Variants in SEC23B observed in about 807,000 individuals in gnomAD.
The protein encoded by SEC23B is protein transport protein Sec23B.
Under a neutral mutation model 104.3 loss-of-function variants are expected in SEC23B, and 77 were observed. That is an observed-to-expected ratio of 0.74 (90% CI 0.61 to 0.89). SEC23B has a LOEUF of 0.89. SEC23B is among the 40% of genes least tolerant of loss of function. The pLI is 0.00. For synonymous variants in SEC23B, 338 were observed against 332.5 expected (o/e 1.02, Z -0.18); for missense variants, 885 against 949.4 (o/e 0.93, Z 0.89).
chr20:18,508,051 C>T (rs2059946713), intron 1 of SEC23B, 79 bp downstream of exon 1: 2 of 152,592 alleles, frequency 1.3e-5, no homozygotes, highest in South Asian at 4.1e-4. Context: ...CTGCCGGGGG[C>T]GAGGTGAGCG....
intron 8 of SEC23B, 56 bp from the exon 9 acceptor site, chr20:18,527,440 G>A (rs1415094699): frequency 2.1e-6 from 2 of 940,052 alleles, no homozygotes; most frequent in Non-Finnish European, 3.5e-6. Context: ...GGTAATTCAG[G>A]CATACCTTGG....
rs1268452222 is a variant in SEC23B at position 18,554,271 on chromosome 20, A to G, written c.2029A>G (p.Met677Val). The G allele has an allele frequency of 3.7e-6, 6 of 1,614,068 alleles. No individual in the cohort carries two copies. The highest frequency in any genetic ancestry group is 1.6e-4 in the Middle Eastern group (1 of 6,084). Residue 677 changes from methionine (M) to valine (V), a missense_variant, in exon 18 of 20, where the codon ATG becomes GTG. Coordinates refer to ENST00000650089, the MANE Select transcript of SEC23B (RefSeq NM_006363.6). ...GTGGCGTAAAGCTGGCTACCAGGAC[A>G]TGCCCGAGTATGAAAACTTCAAGCA... ...AQWRKAGYQD[M>V]PEYENFKHLL...
At chr20:18,556,991 A>G (rs6035074) in intron 19 of SEC23B, among the ~76,000 whole-genome samples, 15,121 of 152,264 alleles carry the variant, frequency 0.099, 1,009 homozygotes, top group Admixed American at 0.17. Flanking sequence ...GCAAGACGCT[A>G]TCTTGAAAAA....
chr20:18,550,826 T>TAA (rs56946062), intron 16 of SEC23B, among the ~76,000 whole-genome samples: 1 of 148,514 alleles, frequency 6.7e-6, no homozygotes. Context: ...CCCTGACTCT[T>TAA]AAAAAAAAAA....
intron 6 of SEC23B, among the ~76,000 whole-genome samples, 186 bp from the exon 7 acceptor site, chr20:18,525,602 A>G (rs2060126834): frequency 6.6e-6 from 1 of 151,684 alleles, no homozygotes; most frequent in African/African-American, 2.4e-5. Flanking sequence ...ACTGGGCTTT[A>G]TATTCCTCAA....
intron 4 of SEC23B, among the ~76,000 whole-genome samples, chr20:18,521,583 C>T (rs909050737): frequency 4.0e-5 from 6 of 151,860 alleles, no homozygotes; most frequent in African/African-American, 9.7e-5. Flanking sequence ...AGTCGTGGAA[C>T]GAAATGGTAA....
chr20:18,542,230 G>A (rs1366983627), intron 12 of SEC23B, 66 bp from the exon 13 acceptor site: 4 of 1,327,670 alleles, frequency 3.0e-6, no homozygotes, highest in Non-Finnish European at 4.3e-6. Flanking sequence ...GAAGAGTACA[G>A]TGGGCTCTGT....
chr20:18,539,974 C>T (rs1271685931), intron 12 of SEC23B, among the ~76,000 whole-genome samples: 1 of 152,052 alleles, frequency 6.6e-6, no homozygotes, highest in Non-Finnish European at 1.5e-5. Context: ...AGTTATCTTG[C>T]TCCTTCCACC....
intron 3 of SEC23B, among the ~76,000 whole-genome samples, chr20:18,513,349 A>G (rs1234656317): frequency 6.6e-6 from 1 of 152,166 alleles, no homozygotes; most frequent in African/African-American, 2.4e-5. Flanking sequence ...TGTCAAAAAA[A>G]AAAAAAAAGT....
chr20:18,524,828 G>A, intron 5 of SEC23B, 107 bp from the exon 6 acceptor site: 2 of 1,311,902 alleles, frequency 1.5e-6, no homozygotes, highest in Non-Finnish European at 2.2e-6. Flanking sequence ...GAGTAGGTGG[G>A]ACTAGAGGCA....
chr20:18,523,142 C>A (rs925831322), intron 4 of SEC23B, among the ~76,000 whole-genome samples: 1 of 152,022 alleles, frequency 6.6e-6, no homozygotes, highest in African/African-American at 2.4e-5. Context: ...TTCTTTTACC[C>A]AGGGTAAAAG....
In SEC23B at chr20:18,519,421, G is replaced by A. The variant is rs112917703; in HGVS notation, c.366+3685G>A. ...ATGAGAACTGTAGAGAGTGAGTTGA[G>A]CATAGTTTGTGATTTTGAGGGTCTC... On this transcript the variant is annotated intron_variant, in intron 4 of 19. Coordinates refer to ENST00000650089, the MANE Select transcript of SEC23B (RefSeq NM_006363.6). Among the ~76,000 whole-genome samples the A allele has an allele frequency of 8.0e-3, 1,215 of 152,314 alleles. 8 individuals are homozygous for A. Among genetic ancestry groups the A allele is most frequent in the Middle Eastern group, 0.014 (4 of 294 alleles).
intron 4 of SEC23B, among the ~76,000 whole-genome samples, chr20:18,520,919 A>G (rs60896776): frequency 0.67 from 101,592 of 151,798 alleles, 35,746 homozygotes; most frequent in Non-Finnish European, 0.8. Flanking sequence ...CCAGAGTTCC[A>G]GGGGCTCTGG....
intron 16 of SEC23B, 137 bp from the exon 17 acceptor site, chr20:18,550,952 G>A: frequency 1.4e-6 from 1 of 706,958 alleles, no homozygotes; most frequent in African/African-American, 1.7e-5. Context: ...AAGAAAAGGG[G>A]TGACTTACTG....
intron 19 of SEC23B, among the ~76,000 whole-genome samples, chr20:18,556,820 A>AC (rs1201660560): frequency 1.3e-5 from 2 of 151,916 alleles, no homozygotes; most frequent in African/African-American, 4.8e-5. Flanking sequence ...ACACGGTGAA[A>AC]CCCCCGTCTC....
chr20:18,542,559 T>A (rs2060297539), intron 13 of SEC23B, among the ~76,000 whole-genome samples, 157 bp downstream of exon 13: 2 of 152,254 alleles, frequency 1.3e-5, no homozygotes, highest in Non-Finnish European at 2.9e-5. Flanking sequence ...CATTTTTGGC[T>A]AACCCAGTTG....
intron 14 of SEC23B, among the ~76,000 whole-genome samples, chr20:18,545,727 A>T (rs1355571723): frequency 6.6e-6 from 1 of 152,200 alleles, no homozygotes; most frequent in East Asian, 1.9e-4. Context: ...AGAGCTGATT[A>T]GAGATGCAGA....
chr20:18,532,783 G>T, intron 11 of SEC23B, 39 bp downstream of exon 11: 3 of 1,445,178 alleles, frequency 2.1e-6, no homozygotes. Flanking sequence ...CTCCTGCCCC[G>T]GATTTAACCC....
chr20:18,555,222 T>A lies in SEC23B; in HGVS notation c.2214+49T>A, dbSNP rs764858709. 2.8e-4 allele frequency: 405 copies of A among 1,451,854 alleles called. 2 individuals carry two copies. Among genetic ancestry groups the A allele is most frequent in the Non-Finnish European group, 3.6e-4 (371 of 1,033,686 alleles). The allele number at this position is 1,451,854 out of a possible 1,614,324, so 89.9% of individuals were successfully genotyped here. A position where few individuals can be genotyped will look rare whatever the true frequency, so the allele number is the denominator to read the frequency against. The stretch of plus-strand genomic sequence containing the variant: ...GGAGGATGCTAAGCTAGTTTTTTTT[T>A]AAACTTGTTTTAAAATTCTACAAAT... On this transcript the variant is annotated intron_variant, in intron 19 of 19. Coordinates refer to ENST00000650089, the MANE Select transcript of SEC23B (RefSeq NM_006363.6).
Sources: gnomAD v4.1 joint callset for allele counts (sites outside exome capture counted in the v4.1 genomes callset) on GRCh38, gnomAD v4.1.1 for gene constraint, MANE v1.5 for transcripts, NCBI Gene and HGNC (gene_info 2026-07-23, HGNC 2026-07-21) for gene names.